The following MAB21L3 variants were observed in gnomAD, a reference collection of about 807,000 sequenced individuals.
The protein encoded by MAB21L3 is protein mab-21-like 3.
Under a neutral mutation model 37.7 loss-of-function variants are expected in MAB21L3, and 36 were observed. That is an observed-to-expected ratio of 0.96 (90% CI 0.73 to 1.26). MAB21L3 has a LOEUF of 1.26. Ranked by LOEUF, MAB21L3 falls within the 50% of genes most tolerant of loss-of-function variation. The pLI is 0.00. For missense variants in MAB21L3, 430 were observed against 447.3 expected, an observed-to-expected ratio of 0.96 and a Z score of 0.35; for synonymous variants, 186 against 176.8, an observed-to-expected ratio of 1.05 and a Z score of -0.41.
chr1:116,120,402 TACACAC>T (rs750221425), intron 3 of MAB21L3, among the ~76,000 whole-genome samples: 10 of 91,698 alleles, frequency 1.1e-4, no homozygotes, highest in East Asian at 5.2e-4. Context: ...TATTACATTA[TACACAC>T]ACACACACAC....
At chr1:116,124,677 T>C (rs1446812215) in intron 5 of MAB21L3, among the ~76,000 whole-genome samples, 2 of 152,130 alleles carry the variant, frequency 1.3e-5, no homozygotes, top group South Asian at 4.1e-4. Context: ...AAAAGCAAAT[T>C]ATTCACAAAC....
chr1:116,118,979 G>A (rs1260402974), intron 3 of MAB21L3, among the ~76,000 whole-genome samples: 5 of 152,300 alleles, frequency 3.3e-5, no homozygotes, highest in African/African-American at 2.4e-5. Context: ...GCTTTGTCAA[G>A]TTATCTATAA....
At chr1:116,119,067 A>T (rs2101610491) in intron 3 of MAB21L3, among the ~76,000 whole-genome samples, 1 of 152,396 alleles carries the variant, frequency 6.6e-6, no homozygotes, top group South Asian at 2.1e-4. Flanking sequence ...GAATTGAATC[A>T]CAACACAGAT....
At chr1:116,113,683 G>A (rs1229645235) in intron 3 of MAB21L3, among the ~76,000 whole-genome samples, 2 of 152,150 alleles carry the variant, frequency 1.3e-5, no homozygotes, top group African/African-American at 4.8e-5. Flanking sequence ...TATTTCTAAT[G>A]TTTTTCACAA....
At chr1:116,125,844 G>A (rs115067896) in intron 5 of MAB21L3, among the ~76,000 whole-genome samples, 4,583 of 147,206 alleles carry the variant, frequency 0.031, 252 homozygotes, top group African/African-American at 0.12. Context: ...CACCTCATAA[G>A]CAGAGCCAGC....
chr1:116,127,197 T>G (rs115372175), intron 5 of MAB21L3, among the ~76,000 whole-genome samples: 2,044 of 152,190 alleles, frequency 0.013, 18 homozygotes, highest in Non-Finnish European at 0.021. Flanking sequence ...CCCAAATGCC[T>G]TGGGGTTGGG....
In MAB21L3 at chr1:116,128,229, C is replaced by A. The variant is rs888602703; in HGVS notation, c.745C>A (p.Leu249Met). The A allele has an allele frequency of 6.2e-7, 1 of 1,614,148 alleles. No individual in the cohort carries two copies. Among genetic ancestry groups the A allele is most frequent in the East Asian group, 2.2e-5 (1 of 44,880 alleles). The change falls in exon 7 of 8, where the codon CTG becomes ATG. Residue 249 changes from leucine (L) to methionine (M), a missense_variant. Coordinates refer to ENST00000369500, the MANE Select transcript of MAB21L3 (RefSeq NM_152367.3). Reference protein sequence around the residue: ...LRAEQVLLEQLDEDGGCRRKC... With the variant: ...LRAEQVLLEQMDEDGGCRRKC... Reference sequence around the variant, plus strand: ...TGCTGAGCAGGTGTTACTGGAACAGCTGGATGAAGATGGGGGCTGCCGTAG... The same window carrying A: ...TGCTGAGCAGGTGTTACTGGAACAGATGGATGAAGATGGGGGCTGCCGTAG...
intron 7 of MAB21L3, among the ~76,000 whole-genome samples, chr1:116,129,112 G>A (rs1378418216): frequency 6.6e-6 from 1 of 152,234 alleles, no homozygotes; most frequent in Non-Finnish European, 1.5e-5. Context: ...TAGCATGGGA[G>A]ATAGACATGG....
chr1:116,124,652 C>T (rs574525624), intron 5 of MAB21L3, among the ~76,000 whole-genome samples: 35 of 152,180 alleles, frequency 2.3e-4, no homozygotes, highest in African/African-American at 6.0e-4. Flanking sequence ...AAAACTTAAG[C>T]GTATTGTTTT....
rs1000621667 is a variant in MAB21L3, at chr1:116,137,711, T to C, written c.*4346T>C. Among the ~76,000 whole-genome samples the C allele has an allele frequency of 6.6e-6, 1 of 151,954 alleles. No homozygotes were observed. Among genetic ancestry groups the C allele is most frequent in the African/African-American group, 2.4e-5 (1 of 41,348 alleles). On this transcript the variant is annotated 3_prime_UTR_variant, in exon 8 of 8. Transcript: ENST00000369500. ...TGCGGCATTATTCACAATAGCAGAC[T>C]TGGAACCAACCCAAATATCCAACAA...
At position 116,133,367 on chromosome 1, in the gene MAB21L3, G is replaced by GGT; in HGVS notation, c.*3_*4dup. ...AACCCCCAGATCGGCCCGCCCTGAT[G>GGT]GTTGCCCCGGCCTGGGAGGCTCTTG... On this transcript the variant is annotated 3_prime_UTR_variant, in exon 8 of 8. Transcript: ENST00000369500. The GGT allele has an allele frequency of 6.2e-7, 1 of 1,613,232 alleles. No individual in the cohort carries two copies. The highest frequency in any genetic ancestry group is 8.5e-7 in the Non-Finnish European group (1 of 1,179,178).
chr1:116,116,563 G>A (rs149171857), intron 3 of MAB21L3, among the ~76,000 whole-genome samples: 105 of 152,248 alleles, frequency 6.9e-4, no homozygotes, highest in African/African-American at 2.3e-3. Flanking sequence ...AGGGTAGGCC[G>A]TACTTCTGGT....
chr1:116,113,290 G>T (rs926119701), intron 3 of MAB21L3, among the ~76,000 whole-genome samples: 1 of 152,156 alleles, frequency 6.6e-6, no homozygotes, highest in Non-Finnish European at 1.5e-5. Context: ...GTAGGCACTG[G>T]TCTGCAGTTT....
chr1:116,113,834 G>A (rs987487817), intron 3 of MAB21L3, among the ~76,000 whole-genome samples: 7 of 152,162 alleles, frequency 4.6e-5, no homozygotes, highest in Admixed American at 2.0e-4. Flanking sequence ...GCCAGAGCAC[G>A]TGCTGGCCAA....
At chr1:116,133,101 C>CA in intron 7 of MAB21L3, 31 bp from the exon 8 acceptor site, 1 of 1,575,350 alleles carries the variant, frequency 6.3e-7, no homozygotes, top group Non-Finnish European at 8.7e-7. Flanking sequence ...TTGCCCGAAA[C>CA]AATGTCTGAC....
At chr1:116,122,346 A>G (rs750255328) in intron 4 of MAB21L3, among the ~76,000 whole-genome samples, 2 of 152,222 alleles carry the variant, frequency 1.3e-5, no homozygotes, top group Non-Finnish European at 2.9e-5. Context: ...ACACACATAG[A>G]CCAGTGACTA....
At chr1:116,125,034 AAG>A (rs978690679) in intron 5 of MAB21L3, among the ~76,000 whole-genome samples, 4 of 151,930 alleles carry the variant, frequency 2.6e-5, no homozygotes, top group Non-Finnish European at 5.9e-5. Flanking sequence ...AAAAAAAAAA[AAG>A]GAATCACAGA....
At position 116,135,409 on chromosome 1, in the gene MAB21L3, T is replaced by C. The variant is rs1225809704; in HGVS notation, c.*2044T>C. Among the ~76,000 whole-genome samples, 8 of 151,682 alleles carry C rather than the reference T, an allele frequency of 5.3e-5. No individual in the cohort carries two copies. The highest frequency in any genetic ancestry group is 1.7e-4 in the African/African-American group (7 of 41,218). ...TGGATAAATTCCTCAACACATACAC[T>C]CTCCCAAGACTAAACCAGGAAGAAG... On this transcript the variant is annotated 3_prime_UTR_variant, in exon 8 of 8. Coordinates refer to ENST00000369500, the MANE Select transcript of MAB21L3 (RefSeq NM_152367.3).
intron 4 of MAB21L3, among the ~76,000 whole-genome samples, chr1:116,122,436 C>T (rs1168306106): frequency 6.6e-6 from 1 of 152,198 alleles, no homozygotes; most frequent in Non-Finnish European, 1.5e-5. Context: ...GAATTCATAG[C>T]TTAAAATATA....
Sources: gnomAD v4.1 joint callset for allele counts (sites outside exome capture counted in the v4.1 genomes callset) on GRCh38, gnomAD v4.1.1 for gene constraint, MANE v1.5 for transcripts, NCBI Gene and HGNC (gene_info 2026-07-23, HGNC 2026-07-21) for gene names.